The following SYT14 variants were observed in gnomAD, a reference collection of about 807,000 sequenced individuals.
SYT14 encodes the protein synaptotagmin-14.
SYT14 carries 32 observed loss-of-function variants against 74.2 expected under a neutral mutation model. That is an observed-to-expected ratio of 0.43 (90% CI 0.33 to 0.58). The LOEUF is 0.58. SYT14 is among the 20% of genes least tolerant of loss of function. SYT14 has a pLI of 0.05. For missense variants in SYT14, 791 were observed against 981.8 expected (o/e 0.81, Z 2.60); for synonymous variants, 298 against 337.7 (o/e 0.88, Z 1.29).
At chr1:210,127,352 G>A (rs976090629) in intron 7 of SYT14, among the ~76,000 whole-genome samples, 1 of 152,210 alleles carries the variant, frequency 6.6e-6, no homozygotes, top group Non-Finnish European at 1.5e-5. Context: ...CTTTGGCGGG[G>A]GAGGTGACAG....
At chr1:210,167,057 T>C (rs998960823) in exon 10 of SYT14, 2 of 152,206 alleles carry the variant, frequency 1.3e-5, no homozygotes, top group African/African-American at 2.4e-5. Flanking sequence ...AAAAATTCCT[T>C]TCTATCACTG....
intron 2 of SYT14, among the ~76,000 whole-genome samples, chr1:209,978,222 G>A (rs202040992): frequency 1.2e-4 from 19 of 152,012 alleles, no homozygotes; most frequent in South Asian, 6.2e-4. Flanking sequence ...GTCATTCTCC[G>A]TCCAGCTTTG....
chr1:210,064,581 T>C (rs1262108731), intron 5 of SYT14, among the ~76,000 whole-genome samples: 1 of 152,082 alleles, frequency 6.6e-6, no homozygotes, highest in Admixed American at 6.6e-5. Flanking sequence ...GGTTCATCCA[T>C]ATTGTACCAG....
intron 5 of SYT14, among the ~76,000 whole-genome samples, chr1:210,075,342 G>GTTTTTTT (rs33985042): frequency 7.8e-6 from 1 of 127,670 alleles, no homozygotes; most frequent in African/African-American, 3.0e-5. Flanking sequence ...TCGAGGGTTT[G>GTTTTTTT]TTTTTTTTTT....
chr1:210,063,400 T>G (rs1050109714), intron 5 of SYT14, among the ~76,000 whole-genome samples: 8 of 151,882 alleles, frequency 5.3e-5, no homozygotes, highest in African/African-American at 1.7e-4. Context: ...ATTTCTGAAC[T>G]TTATTGTGTT....
chr1:210,161,799 C>T (rs1282323461), exon 10 of SYT14: 5 of 453,710 alleles, frequency 1.1e-5, no homozygotes, highest in Middle Eastern at 6.8e-4. Context: ...AACTACGTAA[C>T]TTTCTGTTGA....
At chr1:209,996,330 T>G (rs1221354987) in intron 2 of SYT14, among the ~76,000 whole-genome samples, 1 of 152,104 alleles carries the variant, frequency 6.6e-6, no homozygotes, top group Admixed American at 6.6e-5. Context: ...ACAACTCTAA[T>G]GCACACAAAT....
intron 5 of SYT14, among the ~76,000 whole-genome samples, chr1:210,037,634 T>C (rs1455811111): frequency 3.3e-5 from 5 of 151,914 alleles, no homozygotes; most frequent in Non-Finnish European, 2.9e-5. Context: ...GTATGTTGTA[T>C]CTCCATTTTC....
chr1:210,088,831 C>T (rs1246815067), intron 5 of SYT14, among the ~76,000 whole-genome samples: 2 of 151,964 alleles, frequency 1.3e-5, no homozygotes, highest in African/African-American at 4.8e-5. Context: ...AGATTAGCCA[C>T]ATTCTACAAG....
At chr1:210,141,532 A>G (rs2082914223) in intron 7 of SYT14, among the ~76,000 whole-genome samples, 1 of 152,214 alleles carries the variant, frequency 6.6e-6, no homozygotes, top group Admixed American at 6.5e-5. Flanking sequence ...CTTGACAAAG[A>G]CATTCTCCTA....
At chr1:209,980,642 G>C (rs1428657812) in intron 2 of SYT14, among the ~76,000 whole-genome samples, 1 of 152,128 alleles carries the variant, frequency 6.6e-6, no homozygotes, top group African/African-American at 2.4e-5. Context: ...TAAGGAAGGG[G>C]TCTAGTTTCA....
chr1:209,991,832 GAAAA>G (rs1301656205), intron 2 of SYT14, among the ~76,000 whole-genome samples: 1 of 124,700 alleles, frequency 8.0e-6, no homozygotes, highest in Non-Finnish European at 1.7e-5. Context: ...TCCGTCTCGA[GAAAA>G]AAAAAAAAAA....
chr1:210,069,551 A>G (rs2081356147), intron 5 of SYT14, among the ~76,000 whole-genome samples: 1 of 151,920 alleles, frequency 6.6e-6, no homozygotes. Flanking sequence ...ATTTATATTT[A>G]TGTCTCTTCA....
At chr1:210,073,932 C>CAA (rs35029694) in intron 5 of SYT14, among the ~76,000 whole-genome samples, 86,053 of 151,630 alleles carry the variant, frequency 0.57, 26,465 homozygotes, top group African/African-American at 0.81. Flanking sequence ...ATCAAGAAAA[C>CAA]AGATGAAATT....
intron 7 of SYT14, among the ~76,000 whole-genome samples, chr1:210,129,188 T>C (rs1033905411): frequency 2.0e-5 from 3 of 152,248 alleles, no homozygotes; most frequent in Non-Finnish European, 4.4e-5. Flanking sequence ...TTCAAGTGAA[T>C]GCACACCAAC....
At position 210,123,543 on chromosome 1, in the gene SYT14, T is replaced by A. The variant is rs145398755; in HGVS notation, c.2034+23082T>A. Reference sequence around the variant, plus strand: ...CATGAAGAATAGTGTCAGGCTTGTGTCTAGCCCTTGGGCAGTAAATAGCAT... The same window carrying A: ...CATGAAGAATAGTGTCAGGCTTGTGACTAGCCCTTGGGCAGTAAATAGCAT... On this transcript the variant is annotated intron_variant, in intron 7 of 9. Transcript: ENST00000637265. Among the ~76,000 whole-genome samples the A allele has an allele frequency of 8.1e-3, 1,231 of 152,320 alleles. 13 individuals carry two copies. Among genetic ancestry groups the A allele is most frequent in the African/African-American group, 0.028 (1,159 of 41,564 alleles).
intron 5 of SYT14, among the ~76,000 whole-genome samples, chr1:210,056,794 A>G (rs563075920): frequency 2.0e-5 from 3 of 151,668 alleles, no homozygotes; most frequent in African/African-American, 7.2e-5. Context: ...TCAAACAACA[A>G]CAACAACAAA....
intron 5 of SYT14, among the ~76,000 whole-genome samples, chr1:210,043,258 T>C (rs2080827228): frequency 6.6e-6 from 1 of 152,164 alleles, no homozygotes; most frequent in Admixed American, 6.6e-5. Context: ...ACAGAAATGA[T>C]ACCTTTCCAT....
intron 7 of SYT14, among the ~76,000 whole-genome samples, chr1:210,125,256 C>T (rs1296112283): frequency 6.7e-6 from 1 of 148,858 alleles, no homozygotes; most frequent in Non-Finnish European, 1.5e-5. Context: ...CTGTTGTTTC[C>T]ATCTTTATGT....
Sources: allele counts gnomAD v4.1 joint callset (sites outside exome capture counted in the v4.1 genomes callset), GRCh38; gene constraint gnomAD v4.1.1; transcripts MANE v1.5; gene names NCBI Gene and HGNC (gene_info 2026-07-23, HGNC 2026-07-21).